The following CNTN4 variants were observed in gnomAD, a reference collection of about 807,000 sequenced individuals.
CNTN4 encodes contactin-4.
In CNTN4, 77 loss-of-function variants were observed where a neutral mutation model predicts 122.5. The observed-to-expected ratio is 0.63, with a 90% CI of 0.52 to 0.76. The LOEUF (loss-of-function observed/expected upper bound fraction) is 0.76. Among genes scored for constraint, CNTN4 ranks in the 30% least tolerant of loss-of-function variants. The pLI is 0.00. For missense variants in CNTN4, 1,256 were observed against 1,259.1 expected, an observed-to-expected ratio of 1.00 and a Z score of 0.04; for synonymous variants, 512 against 447.0, an observed-to-expected ratio of 1.15 and a Z score of -1.83.
At chr3:3,034,294 TATAA>T (rs1018608343) in intron 16 of CNTN4, among the ~76,000 whole-genome samples, 2 of 152,220 alleles carry the variant, frequency 1.3e-5, no homozygotes, top group African/African-American at 4.8e-5. Context: ...ATTAGGAACC[TATAA>T]ATAAATAATG....
At chr3:2,524,561 CT>C (rs2077333656) in intron 3 of CNTN4, among the ~76,000 whole-genome samples, 3 of 152,114 alleles carry the variant, frequency 2.0e-5, no homozygotes, top group African/African-American at 7.2e-5. Flanking sequence ...GTGGATGTAA[CT>C]AAAGAGAATA....
intron 7 of CNTN4, among the ~76,000 whole-genome samples, chr3:2,848,913 C>T (rs1238386471): frequency 6.6e-6 from 1 of 152,186 alleles, no homozygotes; most frequent in African/African-American, 2.4e-5. Context: ...AGATTAGCCT[C>T]ACTCGTATAG....
chr3:2,523,340 G>A (rs1232513351), intron 3 of CNTN4, among the ~76,000 whole-genome samples: 6 of 141,868 alleles, frequency 4.2e-5, no homozygotes, highest in African/African-American at 1.6e-4. Context: ...ACAAATCTCA[G>A]GAAAGCAAGA....
intron 6 of CNTN4, among the ~76,000 whole-genome samples, chr3:2,771,500 A>T (rs898665835): frequency 3.9e-5 from 6 of 152,188 alleles, no homozygotes; most frequent in Non-Finnish European, 8.8e-5. Context: ...CTGGCAAATC[A>T]TTCTACCTCT....
chr3:2,257,041 C>T (rs529889565), intron 2 of CNTN4, among the ~76,000 whole-genome samples: 61 of 151,748 alleles, frequency 4.0e-4, no homozygotes, highest in African/African-American at 8.0e-4. Flanking sequence ...TCAAACTATA[C>T]GACAAGGCTA....
intron 14 of CNTN4, among the ~76,000 whole-genome samples, chr3:2,989,730 C>T (rs1017460396): frequency 1.3e-5 from 2 of 152,172 alleles, no homozygotes; most frequent in African/African-American, 4.8e-5. Context: ...TGCTTGTTCA[C>T]TCTGTTTCAT....
In CNTN4 at chr3:2,109,993, G is replaced by T. The variant is rs9849959; in HGVS notation, c.-145+9354G>T. 3.0e-3 allele frequency among the ~76,000 whole-genome samples: 464 copies of T among 152,312 alleles called. 3 individuals carry two copies. The highest frequency in any genetic ancestry group is 0.011 in the African/African-American group (456 of 41,566). The stretch of plus-strand genomic sequence containing the variant: ...CTAGAATTCTTGGATCTAAGTAATG[G>T]TAAATTAAGAGTTGCTTTTAATATA... On this transcript the variant is annotated intron_variant, in intron 2 of 24. Coordinates refer to ENST00000418658, the MANE Select transcript of CNTN4 (RefSeq NM_175607.3).
At chr3:2,388,993 G>A (rs35154741) in intron 3 of CNTN4, among the ~76,000 whole-genome samples, 24,702 of 151,126 alleles carry the variant, frequency 0.16, 2,477 homozygotes, top group Middle Eastern at 0.26. Context: ...CCCTGTCTCT[G>A]CTAAAAATAC....
At chr3:2,964,481 T>C (rs1228535013) in intron 13 of CNTN4, among the ~76,000 whole-genome samples, 1 of 152,206 alleles carries the variant, frequency 6.6e-6, no homozygotes, top group Non-Finnish European at 1.5e-5. Context: ...TCTCCTAATG[T>C]GTAGTTCAGT....
chr3:2,359,849 T>C (rs947185735), intron 3 of CNTN4, among the ~76,000 whole-genome samples: 1 of 152,198 alleles, frequency 6.6e-6, no homozygotes, highest in African/African-American at 2.4e-5. Context: ...GTATATATGA[T>C]TGTTTATTCA....
intron 4 of CNTN4, among the ~76,000 whole-genome samples, chr3:2,602,564 A>G (rs1346253294): frequency 1.3e-5 from 2 of 152,212 alleles, no homozygotes; most frequent in Admixed American, 6.5e-5. Context: ...GGAGAACTAC[A>G]AAACACTGCT....
intron 3 of CNTN4, among the ~76,000 whole-genome samples, chr3:2,361,761 T>C (rs919293041): frequency 2.0e-5 from 3 of 152,232 alleles, no homozygotes; most frequent in Non-Finnish European, 4.4e-5. Flanking sequence ...GTAGCATTAG[T>C]GACTTCATTC....
At chr3:2,651,996 C>T (rs193161429) in intron 4 of CNTN4, among the ~76,000 whole-genome samples, 35 of 151,110 alleles carry the variant, frequency 2.3e-4, no homozygotes, top group African/African-American at 6.5e-4. Context: ...TGTGACCCAC[C>T]GCACCTGGCC....
intron 5 of CNTN4, among the ~76,000 whole-genome samples, chr3:2,743,505 CTCTTGTT>C (rs1345729252): frequency 3.9e-5 from 6 of 152,178 alleles, no homozygotes; most frequent in Non-Finnish European, 4.4e-5. Context: ...TTTCTTACCT[CTCTTGTT>C]TCTAAATTGT....
At chr3:2,638,911 C>T (rs2082780693) in intron 4 of CNTN4, among the ~76,000 whole-genome samples, 1 of 152,176 alleles carries the variant, frequency 6.6e-6, no homozygotes, top group Non-Finnish European at 1.5e-5. Flanking sequence ...TTAGTTCTCA[C>T]CACCTTCCAT....
At chr3:2,148,152 G>A (rs925770825) in intron 2 of CNTN4, among the ~76,000 whole-genome samples, 7 of 152,128 alleles carry the variant, frequency 4.6e-5, no homozygotes, top group Non-Finnish European at 1.0e-4. Context: ...AATAGTAGTA[G>A]GACTAATTGC....
At chr3:2,197,351 G>C (rs1047979938) in intron 2 of CNTN4, among the ~76,000 whole-genome samples, 2 of 152,102 alleles carry the variant, frequency 1.3e-5, no homozygotes, top group African/African-American at 4.8e-5. Context: ...TTGCTAGCCG[G>C]AATTAATTGA....
At chr3:2,225,018 C>T (rs1153530) in intron 2 of CNTN4, among the ~76,000 whole-genome samples, 46,628 of 151,014 alleles carry the variant, frequency 0.31, 7,581 homozygotes, top group African/African-American at 0.37. Context: ...GTTGCGGTGG[C>T]GGGCGCCTGT....
chr3:2,243,480 C>T (rs773053279), intron 2 of CNTN4, among the ~76,000 whole-genome samples: 9 of 151,818 alleles, frequency 5.9e-5, no homozygotes, highest in African/African-American at 9.7e-5. Context: ...GAGACAAATT[C>T]GTAAACTTTC....
Sources: gnomAD v4.1 joint callset for allele counts (sites outside exome capture counted in the v4.1 genomes callset) on GRCh38, gnomAD v4.1.1 for gene constraint, MANE v1.5 for transcripts, NCBI Gene and HGNC (gene_info 2026-07-23, HGNC 2026-07-21) for gene names.